The following RASGEF1C variants were observed in gnomAD, a reference collection of about 807,000 sequenced individuals.
The protein encoded by RASGEF1C is RasGEF domain family member 1C.
A neutral mutation model predicts 58.1 loss-of-function variants in RASGEF1C; 27 were observed. The observed-to-expected ratio is 0.46, with a 90% CI of 0.34 to 0.64. RASGEF1C has a LOEUF of 0.64. RASGEF1C is among the 30% of genes least tolerant of loss of function. The pLI is 0.01. For missense variants in RASGEF1C, 502 were observed against 605.1 expected (o/e 0.83, Z 1.79); for synonymous variants, 243 against 246.3 (o/e 0.99, Z 0.13).
At chr5:180,193,901 A>G (rs1027531855) in intron 1 of RASGEF1C, among the ~76,000 whole-genome samples, 1 of 152,106 alleles carries the variant, frequency 6.6e-6, no homozygotes, top group Non-Finnish European at 1.5e-5. Flanking sequence ...GTAAGCACCT[A>G]ATAGGGTTGG....
Position 180,158,279 on chromosome 5 carries a change from A to G in RASGEF1C, c.-6-20221T>C, listed in dbSNP as rs1339044600. On this transcript the variant is annotated intron_variant, in intron 1 of 13. Transcript: ENST00000361132. The surrounding 1 kb of genome is among the most constrained non-coding windows in gnomAD (Gnocchi z 4.0). ...AGATCACCTTTCACCATCCTCCAAG[A>G]GATTCCTTCTCCTTTATGTGTTGGG... Among the ~76,000 whole-genome samples, 1 of 152,076 alleles carries G rather than the reference A, an allele frequency of 6.6e-6. No individual in the cohort carries two copies. Among genetic ancestry groups the G allele is most frequent in the Non-Finnish European group, 1.5e-5 (1 of 68,028 alleles).
At chr5:180,185,713 A>G (rs2113328525) in intron 1 of RASGEF1C, among the ~76,000 whole-genome samples, 1 of 152,344 alleles carries the variant, frequency 6.6e-6, no homozygotes, top group Middle Eastern at 3.4e-3. Context: ...TATTCGAATG[A>G]TACAAACTAC....
chr5:180,139,502 C>T (rs541461539), intron 1 of RASGEF1C, among the ~76,000 whole-genome samples: 20 of 152,314 alleles, frequency 1.3e-4, no homozygotes, highest in Admixed American at 7.2e-4. Flanking sequence ...AGGGCTGTCC[C>T]GTGGCCATGT....
intron 1 of RASGEF1C, among the ~76,000 whole-genome samples, chr5:180,164,131 T>C (rs1196596891): frequency 6.6e-6 from 1 of 152,230 alleles, no homozygotes; most frequent in Admixed American, 6.5e-5. Flanking sequence ...TTTGTCAGTA[T>C]CGCTAGAGAT....
intron 1 of RASGEF1C, among the ~76,000 whole-genome samples, chr5:180,205,181 T>C (rs575185206): frequency 6.6e-6 from 1 of 151,766 alleles, no homozygotes; most frequent in Non-Finnish European, 1.5e-5. Flanking sequence ...AGAGCGAGAC[T>C]CCGTCTCAAA....
At chr5:180,178,140 T>C (rs577263117) in intron 1 of RASGEF1C, among the ~76,000 whole-genome samples, 1 of 150,828 alleles carries the variant, frequency 6.6e-6, no homozygotes, top group African/African-American at 2.4e-5. Context: ...CTAATTTTTT[T>C]TTTTTTTTTG....
intron 13 of RASGEF1C, 147 bp from the exon 14 acceptor site, chr5:180,101,672 GC>G: frequency 1.0e-6 from 1 of 998,108 alleles, no homozygotes. Context: ...CTGGGGCTCA[GC>G]CCTCGAAGTC....
intron 7 of RASGEF1C, among the ~76,000 whole-genome samples, chr5:180,120,707 C>G (rs952791768): frequency 6.6e-6 from 1 of 152,208 alleles, no homozygotes; most frequent in Non-Finnish European, 1.5e-5. Flanking sequence ...CCTCTAGGTC[C>G]CGAGCCAGCC....
At chr5:180,164,799 T>C (rs370382969) in intron 1 of RASGEF1C, among the ~76,000 whole-genome samples, 1 of 152,232 alleles carries the variant, frequency 6.6e-6, no homozygotes, top group Non-Finnish European at 1.5e-5. Context: ...TTAACTCAGG[T>C]TGGTTAATGA....
At chr5:180,119,162 G>C (rs1333828062) in intron 8 of RASGEF1C, among the ~76,000 whole-genome samples, 184 bp downstream of exon 8, 1 of 152,230 alleles carries the variant, frequency 6.6e-6, no homozygotes, top group Non-Finnish European at 1.5e-5. Flanking sequence ...CCTCAAAAGG[G>C]GTGGCTCCCC....
intron 1 of RASGEF1C, among the ~76,000 whole-genome samples, chr5:180,184,128 C>A (rs1312075927): frequency 6.6e-6 from 1 of 151,870 alleles, no homozygotes; most frequent in Non-Finnish European, 1.5e-5. Flanking sequence ...TGCACCACTG[C>A]ACTCCAGCCT....
chr5:180,171,416 C>G (rs557738210), intron 1 of RASGEF1C, among the ~76,000 whole-genome samples: 1 of 152,120 alleles, frequency 6.6e-6, no homozygotes, highest in African/African-American at 2.4e-5. Context: ...GAATCCAACC[C>G]GCCCATGAGA....
intron 1 of RASGEF1C, among the ~76,000 whole-genome samples, chr5:180,208,069 AC>A (rs1324152712): frequency 6.6e-6 from 1 of 151,878 alleles, no homozygotes; most frequent in Non-Finnish European, 1.5e-5. Flanking sequence ...TGAGTGGACA[AC>A]CCTAGCCCCC....
intron 1 of RASGEF1C, among the ~76,000 whole-genome samples, chr5:180,178,461 G>A (rs933888365): frequency 6.6e-6 from 1 of 150,680 alleles, no homozygotes; most frequent in Non-Finnish European, 1.5e-5. Flanking sequence ...TGTATTTTTA[G>A]TAGAGACGGG....
intron 11 of RASGEF1C, among the ~76,000 whole-genome samples, chr5:180,113,918 G>A (rs1766019853): frequency 1.3e-5 from 2 of 152,118 alleles, no homozygotes; most frequent in South Asian, 4.1e-4. Flanking sequence ...TGCTTTGGGA[G>A]GCCTGACAGG....
chr5:180,132,569 C>A (rs954659257), intron 4 of RASGEF1C, among the ~76,000 whole-genome samples: 1 of 152,220 alleles, frequency 6.6e-6, no homozygotes, highest in Admixed American at 6.5e-5. Context: ...TAGGGGTCTG[C>A]TCCCTCCATT....
intron 13 of RASGEF1C, 86 bp from the exon 14 acceptor site, chr5:180,101,611 G>A (rs1016227856): frequency 1.3e-6 from 2 of 1,529,858 alleles, no homozygotes; most frequent in African/African-American, 2.7e-5. Flanking sequence ...CACTTTCTCA[G>A]TGCGCTGAGG....
chr5:180,148,242 A>G (rs150618992), intron 1 of RASGEF1C, among the ~76,000 whole-genome samples: 468 of 152,270 alleles, frequency 3.1e-3, no homozygotes, highest in African/African-American at 0.011. Context: ...CTTTGGATCT[A>G]AAATGAATCT....
At chr5:180,203,915 C>T (rs1203186833) in intron 1 of RASGEF1C, among the ~76,000 whole-genome samples, 2 of 152,028 alleles carry the variant, frequency 1.3e-5, no homozygotes, top group Non-Finnish European at 2.9e-5. Flanking sequence ...GTCGCTTGAA[C>T]CTGGGAGGCA....
Sources: gnomAD v4.1 joint callset for allele counts (sites outside exome capture counted in the v4.1 genomes callset) on GRCh38, gnomAD v4.1.1 for gene constraint, Gnocchi (gnomAD v3.1) non-coding constraint, MANE v1.5 for transcripts, NCBI Gene and HGNC (gene_info 2026-07-23, HGNC 2026-07-21) for gene names.